SLC25A21: variants seen among roughly 807,000 people sequenced by gnomAD.
SLC25A21 encodes solute carrier family 25 member 21.
In SLC25A21, 47 loss-of-function variants were observed where a neutral mutation model predicts 43.8. The ratio of observed to expected loss-of-function variants is 1.07; its 90% CI spans 0.85 to 1.37. The LOEUF is 1.37. Ranked by LOEUF, SLC25A21 falls within the 40% of genes most tolerant of loss-of-function variation. The probability of loss-of-function intolerance (pLI) is 0.00; values close to 1 mark genes in which losing one functional copy is unlikely to be tolerated. For synonymous variants in SLC25A21, 131 were observed against 121.3 expected (o/e 1.08, Z -0.52); for missense variants, 352 against 350.2 (o/e 1.00, Z -0.04).
chr14:36,968,691 A>C (rs559746231), intron 1 of SLC25A21, among the ~76,000 whole-genome samples: 83 of 152,104 alleles, frequency 5.5e-4, no homozygotes, highest in Non-Finnish European at 1.0e-3. Context: ...GTTGGGTCCA[A>C]GTTACAGCAC....
intron 6 of SLC25A21, 45 bp downstream of exon 6, chr14:36,725,525 A>AAATAAATAAATT (rs1555323134): frequency 1.6e-6 from 1 of 635,344 alleles, no homozygotes; most frequent in Middle Eastern, 4.1e-4. Context: ...ATAAATAAAT[A>AAATAAATAAATT]AATTTTTACA....
chr14:36,956,125 CA>C (rs2138668070), intron 1 of SLC25A21, among the ~76,000 whole-genome samples: 1 of 152,228 alleles, frequency 6.6e-6, no homozygotes, highest in South Asian at 2.1e-4. Context: ...TTCTAAATGT[CA>C]CCCAAATGAA....
chr14:36,896,962 G>C (rs1187918059), intron 1 of SLC25A21, among the ~76,000 whole-genome samples: 2 of 152,124 alleles, frequency 1.3e-5, no homozygotes, highest in African/African-American at 2.4e-5. Context: ...CTCTCTGGCT[G>C]CCCTTAACAT....
At chr14:36,693,012 A>T (rs1882855344) in intron 7 of SLC25A21, among the ~76,000 whole-genome samples, 1 of 152,200 alleles carries the variant, frequency 6.6e-6, no homozygotes, top group African/African-American at 2.4e-5. Flanking sequence ...CCTCTGTAGC[A>T]CATCACTATC....
intron 1 of SLC25A21, among the ~76,000 whole-genome samples, chr14:36,935,631 C>G (rs1314982738): frequency 6.6e-6 from 1 of 152,132 alleles, no homozygotes; most frequent in African/African-American, 2.4e-5. Context: ...TCACTGTCAT[C>G]TCCTTGAATA....
chr14:36,746,377 A>G (rs1014962393), intron 3 of SLC25A21, among the ~76,000 whole-genome samples: 5 of 152,192 alleles, frequency 3.3e-5, no homozygotes, highest in African/African-American at 1.2e-4. Context: ...GTTCTCCTTT[A>G]TAAGTGGAAG....
At chr14:36,807,232 G>T (rs1284411216) in intron 3 of SLC25A21, 1 of 152,364 alleles carries the variant, frequency 6.6e-6, no homozygotes, top group African/African-American at 2.4e-5. Flanking sequence ...AACTCCACCG[G>T]ATCTGTAGTC....
In SLC25A21 at chr14:36,874,858, G is replaced by C. The variant is rs530983595; in HGVS notation, c.119+98C>G. 7 of 884,372 alleles carry C rather than the reference G, an allele frequency of 7.9e-6. No homozygotes were observed. The South Asian group carries it at 1.3e-4, about 17-fold the overall frequency. 54.8% of individuals were successfully genotyped at this position (884,372 alleles called of 1,614,324 possible). On this transcript the variant is annotated intron_variant, in intron 2 of 9. Coordinates refer to ENST00000331299, the MANE Select transcript of SLC25A21 (RefSeq NM_030631.4). Reference sequence around the variant, plus strand: ...AATATAACTGCCATTACAGAGAGAAGCTACCGGCCTGGGACAAGTCCTAGC... The same window carrying C: ...AATATAACTGCCATTACAGAGAGAACCTACCGGCCTGGGACAAGTCCTAGC...
chr14:36,973,281 G>A (rs1046967753), intron 1 of SLC25A21, among the ~76,000 whole-genome samples: 1 of 152,096 alleles, frequency 6.6e-6, no homozygotes, highest in Admixed American at 6.5e-5. Flanking sequence ...GGATGGCAAT[G>A]GTGGGGAGAC....
chr14:37,057,219 G>A (rs953614331), intron 1 of SLC25A21, among the ~76,000 whole-genome samples: 4 of 152,054 alleles, frequency 2.6e-5, no homozygotes, highest in South Asian at 2.1e-4. Flanking sequence ...CAGTTTTGAC[G>A]TTCCTCACCC....
rs569895150 is a variant in SLC25A21, at chr14:37,072,783, G to T, written c.70+99498C>A. ...AGAAAAAAAAGAAAAATATTTTCTA[G>T]AAATATCACTTAAAACAAGGAATCA... is the stretch of plus-strand genomic sequence containing the variant. On this transcript the variant is annotated intron_variant, in intron 1 of 9. Transcript: ENST00000331299. Among the ~76,000 whole-genome samples the T allele has an allele frequency of 6.6e-5, 10 of 152,272 alleles. No individual in the cohort carries two copies. The South Asian group carries it at 1.5e-3, about 22-fold the overall frequency.
intron 1 of SLC25A21, among the ~76,000 whole-genome samples, chr14:36,926,107 A>G (rs1231689988): frequency 6.6e-6 from 1 of 152,182 alleles, no homozygotes; most frequent in Admixed American, 6.5e-5. Context: ...CATAGGCTGG[A>G]TCATAAAATT....
At chr14:36,757,652 A>C (rs1885987634) in intron 3 of SLC25A21, among the ~76,000 whole-genome samples, 1 of 152,184 alleles carries the variant, frequency 6.6e-6, no homozygotes, top group Admixed American at 6.5e-5. Flanking sequence ...AAGGTGCTAC[A>C]ATTTTTTAAA....
chr14:36,838,646 C>T (rs1046500888), intron 2 of SLC25A21, among the ~76,000 whole-genome samples: 1 of 152,106 alleles, frequency 6.6e-6, no homozygotes, highest in Admixed American at 6.5e-5. Flanking sequence ...TTTGTGGAGG[C>T]AGGGAGTGGG....
chr14:36,776,618 G>A (rs187848170), intron 3 of SLC25A21, among the ~76,000 whole-genome samples: 16 of 152,124 alleles, frequency 1.1e-4, no homozygotes, highest in Non-Finnish European at 2.1e-4. Flanking sequence ...CAACTGTAGG[G>A]TTCCCTTGTC....
At chr14:36,838,223 T>A (rs1173814565) in intron 2 of SLC25A21, among the ~76,000 whole-genome samples, 1 of 152,224 alleles carries the variant, frequency 6.6e-6, no homozygotes, top group East Asian at 1.9e-4. Context: ...GATACGGGCT[T>A]GCTGATATGG....
At chr14:37,067,077 G>A (rs909630913) in intron 1 of SLC25A21, among the ~76,000 whole-genome samples, 1 of 152,064 alleles carries the variant, frequency 6.6e-6, no homozygotes, top group African/African-American at 2.4e-5. Flanking sequence ...AATGGGCTAA[G>A]GAGTAACATA....
rs533804294 is a variant in SLC25A21, at chr14:36,860,072, G to A, written c.119+14884C>T. Among the ~76,000 whole-genome samples, 5 of 151,318 alleles carry A rather than the reference G, an allele frequency of 3.3e-5. No homozygotes were observed. The South Asian group carries it at 6.3e-4, about 19-fold the overall frequency. On this transcript the variant is annotated intron_variant, in intron 2 of 9. Coordinates refer to ENST00000331299, the MANE Select transcript of SLC25A21 (RefSeq NM_030631.4). ...ATGGAAGTGGGCAAAAACAGTTAACGTGTACACAAATAAATAACTTTGATA... is the reference window on the plus strand; with the variant it reads ...ATGGAAGTGGGCAAAAACAGTTAACATGTACACAAATAAATAACTTTGATA...
chr14:36,810,825 A>G (rs535788479), intron 3 of SLC25A21, among the ~76,000 whole-genome samples: 1 of 95,754 alleles, frequency 1.0e-5, no homozygotes, highest in African/African-American at 3.3e-5. Flanking sequence ...ATAGAAAATG[A>G]GCTTCACAAA....
Sources: gnomAD v4.1 joint callset for allele counts (sites outside exome capture counted in the v4.1 genomes callset) on GRCh38, gnomAD v4.1.1 for gene constraint, MANE v1.5 for transcripts, NCBI Gene and HGNC (gene_info 2026-07-23, HGNC 2026-07-21) for gene names.